Variants in GRIA4 observed in about 807,000 individuals in gnomAD.
GRIA4 encodes the protein glutamate ionotropic receptor AMPA type subunit 4.
Under a neutral mutation model 104.0 loss-of-function variants are expected in GRIA4, and 34 were observed. The observed-to-expected ratio is 0.33, with a 90% CI of 0.25 to 0.44. The LOEUF is 0.44. Among genes scored for constraint, GRIA4 ranks in the 20% least tolerant of loss-of-function variants. The pLI is 1.00. For synonymous variants in GRIA4, 386 were observed against 381.9 expected (o/e 1.01, Z -0.13); for missense variants, 750 against 1,096.5 (o/e 0.68, Z 4.46).
intron 5 of GRIA4, among the ~76,000 whole-genome samples, chr11:105,873,549 A>C (rs1945695113): frequency 6.6e-6 from 1 of 152,100 alleles, no homozygotes. Context: ...CAACAGTGTA[A>C]AATTGTTTCC....
chr11:105,750,024 T>G (rs563869105), intron 3 of GRIA4, among the ~76,000 whole-genome samples: 1 of 152,208 alleles, frequency 6.6e-6, no homozygotes, highest in South Asian at 2.1e-4. Context: ...TTAGTTTACT[T>G]TCATTAATTT....
chr11:105,648,014 T>C (rs1951579451), intron 3 of GRIA4, among the ~76,000 whole-genome samples: 1 of 151,900 alleles, frequency 6.6e-6, no homozygotes, highest in South Asian at 2.1e-4. Context: ...CTAATGATTA[T>C]TGTTGAAAAA....
chr11:105,940,867 C>G (rs147164872), intron 14 of GRIA4, among the ~76,000 whole-genome samples: 2,105 of 152,070 alleles, frequency 0.014, 37 homozygotes, highest in African/African-American at 0.048. Context: ...TTAGAATGAG[C>G]TGGAGAATAG....
intron 4 of GRIA4, among the ~76,000 whole-genome samples, chr11:105,832,914 T>C (rs760756471): frequency 2.6e-5 from 4 of 152,056 alleles, no homozygotes; most frequent in African/African-American, 7.2e-5. Context: ...AGTAATGCTA[T>C]TGAACAAATC....
chr11:105,870,631 A>G (rs1463144584), intron 5 of GRIA4, among the ~76,000 whole-genome samples: 1 of 151,964 alleles, frequency 6.6e-6, no homozygotes, highest in Non-Finnish European at 1.5e-5. Context: ...CATTCAAGGA[A>G]GATGGCATGT....
intron 4 of GRIA4, among the ~76,000 whole-genome samples, chr11:105,805,478 GAAAAAA>G (rs57123559): frequency 1.1e-5 from 1 of 92,504 alleles, no homozygotes; most frequent in African/African-American, 4.5e-5. Flanking sequence ...AAGAAATCAG[GAAAAAA>G]AAAAAAAAAA....
chr11:105,760,716 G>T (rs898965240), intron 4 of GRIA4, among the ~76,000 whole-genome samples: 3 of 151,726 alleles, frequency 2.0e-5, no homozygotes, highest in African/African-American at 7.3e-5. Flanking sequence ...TGATTCTAAG[G>T]CCTATTCATG....
intron 3 of GRIA4, among the ~76,000 whole-genome samples, chr11:105,625,634 A>G (rs1353565389): frequency 6.6e-6 from 1 of 152,110 alleles, no homozygotes; most frequent in African/African-American, 2.4e-5. Context: ...ATTAAACTCC[A>G]CATTCCTGAC....
At chr11:105,834,394 T>C (rs1317160758) in intron 4 of GRIA4, among the ~76,000 whole-genome samples, 1 of 152,122 alleles carries the variant, frequency 6.6e-6, no homozygotes, top group South Asian at 2.1e-4. Context: ...CTCATACATC[T>C]GTCCCCATGC....
intron 16 of GRIA4, among the ~76,000 whole-genome samples, chr11:105,978,074 G>T (rs1367538840): frequency 2.0e-5 from 3 of 151,960 alleles, no homozygotes; most frequent in Non-Finnish European, 4.4e-5. Context: ...ACCCTTTTTA[G>T]TGTACAGTTC....
chr11:105,919,019 GC>G (rs1947484076), intron 11 of GRIA4, 101 bp downstream of exon 11: 1 of 718,374 alleles, frequency 1.4e-6, no homozygotes, highest in African/African-American at 1.8e-5. Flanking sequence ...TGTTTAATTT[GC>G]AGCAACATTC....
At chr11:105,676,568 C>A (rs892144573) in intron 3 of GRIA4, among the ~76,000 whole-genome samples, 1 of 151,554 alleles carries the variant, frequency 6.6e-6, no homozygotes, top group Non-Finnish European at 1.5e-5. Context: ...TGTATGTGTG[C>A]AAATCCATCA....
At position 105,651,741 on chromosome 11, in the gene GRIA4, A is replaced by T. The variant is rs529825896; in HGVS notation, c.247+39307A>T. On this transcript the variant is annotated intron_variant, in intron 3 of 16. Coordinates refer to ENST00000282499, the MANE Select transcript of GRIA4 (RefSeq NM_000829.4). ...TGAGGTTCCATTACTTTGGCTCAAT[A>T]TATAGTAACATTTGTAGTAGCCTAT... 2.6e-5 allele frequency among the ~76,000 whole-genome samples: 4 copies of T among 152,012 alleles called. No individual in the cohort carries two copies. In the South Asian group the frequency reaches 6.2e-4, roughly 24 times the overall value.
chr11:105,711,198 TA>T (rs923653675), intron 3 of GRIA4, among the ~76,000 whole-genome samples: 21 of 152,194 alleles, frequency 1.4e-4, no homozygotes, highest in Non-Finnish European at 2.9e-4. Flanking sequence ...CATTTAAAAA[TA>T]TTTTTTAAAA....
chr11:105,716,776 A>T (rs563330270), intron 3 of GRIA4, among the ~76,000 whole-genome samples: 1 of 152,266 alleles, frequency 6.6e-6, no homozygotes, highest in East Asian at 1.9e-4. Context: ...AGCAGGGGGC[A>T]AACATTATGT....
chr11:105,677,565 C>A lies in GRIA4; in HGVS notation c.247+65131C>A, dbSNP rs558969778. ...TCTATCTCCTACCAAAAAAGAAAAG[C>A]CAAACTTAAATCAGAATCTGAGAAA... On this transcript the variant is annotated intron_variant, in intron 3 of 16. Transcript: ENST00000282499. Among the ~76,000 whole-genome samples the A allele has an allele frequency of 3.3e-5, 5 of 151,824 alleles. No homozygotes were observed. The South Asian group carries it at 1.0e-3, about 32-fold the overall frequency.
At chr11:105,750,429 A>G (rs1939931105) in intron 3 of GRIA4, among the ~76,000 whole-genome samples, 1 of 152,190 alleles carries the variant, frequency 6.6e-6, no homozygotes, top group Non-Finnish European at 1.5e-5. Context: ...AAGCAAATTT[A>G]TCAGCCTGAG....
chr11:105,732,704 GAA>G (rs1397109717), intron 3 of GRIA4, among the ~76,000 whole-genome samples: 1 of 152,150 alleles, frequency 6.6e-6, no homozygotes, highest in Non-Finnish European at 1.5e-5. Context: ...GCATGGCAAA[GAA>G]AAGTAGATTT....
chr11:105,884,452 A>T (rs1946180037), intron 5 of GRIA4, among the ~76,000 whole-genome samples: 1 of 152,218 alleles, frequency 6.6e-6, no homozygotes, highest in Non-Finnish European at 1.5e-5. Context: ...ACAACACCCT[A>T]TTTACAGGAC....
Sources: allele counts gnomAD v4.1 joint callset (sites outside exome capture counted in the v4.1 genomes callset), GRCh38; gene constraint gnomAD v4.1.1; transcripts MANE v1.5; gene names NCBI Gene and HGNC (gene_info 2026-07-23, HGNC 2026-07-21).